Variants in AMBRA1 observed in about 807,000 individuals in gnomAD.
AMBRA1 encodes the protein autophagy and beclin 1 regulator 1.
A neutral mutation model predicts 125.4 loss-of-function variants in AMBRA1; 47 were observed. That is an observed-to-expected ratio of 0.37 (90% confidence interval 0.30 to 0.48). AMBRA1 has a LOEUF of 0.48. Ranked by LOEUF, AMBRA1 falls within the 20% of genes least tolerant of loss-of-function variation. The probability of loss-of-function intolerance (pLI) is 0.99; values close to 1 mark genes in which losing one functional copy is unlikely to be tolerated. For missense variants in AMBRA1, 1,331 were observed against 1,693.4 expected, an observed-to-expected ratio of 0.79 and a Z score of 3.76; for synonymous variants, 626 against 655.5, an observed-to-expected ratio of 0.95 and a Z score of 0.69.
At chr11:46,558,126 G>A (rs777072928) in intron 1 of AMBRA1, among the ~76,000 whole-genome samples, 1 of 152,210 alleles carries the variant, frequency 6.6e-6, no homozygotes, top group Non-Finnish European at 1.5e-5. Flanking sequence ...TTACACAGGG[G>A]AGAAGGACCA....
chr11:46,574,831 AAAACAATGTTTCACTTTTTC>A (rs1249786274), intron 1 of AMBRA1, among the ~76,000 whole-genome samples: 5 of 152,176 alleles, frequency 3.3e-5, no homozygotes, highest in African/African-American at 1.2e-4. Context: ...CCTTTGACAA[AAAACAATGTTTCACTTTTTC>A]AAACAATGTT....
In AMBRA1 at chr11:46,397,663, G is replaced by A. The variant is rs1945521097; in HGVS notation, c.3684C>T (p.Pro1228=). The stretch of plus-strand genomic sequence containing the variant: ...CAGGCTGGTCCCAGGAAGCTGTCCG[G>A]GGGCTTAGGCCTCGCTCTGCCAGTT... ...AGQLAERGLS[P]RTASWDQPGT... is the part of the protein sequence containing the mutation. The change falls in exon 18 of 18, where the codon CCC becomes CCT. Residue 1228 remains proline (P), a synonymous_variant. Coordinates refer to ENST00000683756, the MANE Select transcript of AMBRA1 (RefSeq NM_001387011.1). 1 of 1,613,070 alleles carries A rather than the reference G, an allele frequency of 6.2e-7. No individual in the cohort carries two copies. The highest frequency in any genetic ancestry group is 1.3e-5 in the African/African-American group (1 of 74,904).
At chr11:46,544,439 A>G (rs1952902233) in intron 5 of AMBRA1, among the ~76,000 whole-genome samples, 2 of 152,188 alleles carry the variant, frequency 1.3e-5, no homozygotes, top group Admixed American at 6.5e-5. Flanking sequence ...CTTGGTGGCA[A>G]TGAACAGTCC....
At chr11:46,461,188 A>C (rs1949075632) in intron 11 of AMBRA1, among the ~76,000 whole-genome samples, 1 of 152,222 alleles carries the variant, frequency 6.6e-6, no homozygotes, top group Non-Finnish European at 1.5e-5. Flanking sequence ...GGCTGCAGTG[A>C]GCTGTGATCC....
chr11:46,529,988 C>T lies in AMBRA1; in HGVS notation c.2072+11957G>A, dbSNP rs544020876. Among the ~76,000 whole-genome samples the T allele has an allele frequency of 1.7e-3, 264 of 152,302 alleles. 1 individual carries two copies. In the Middle Eastern group the frequency reaches 0.034, roughly 20 times the overall value. On this transcript the variant is annotated intron_variant, in intron 7 of 17. Coordinates refer to ENST00000683756, the MANE Select transcript of AMBRA1 (RefSeq NM_001387011.1). The stretch of plus-strand genomic sequence containing the variant: ...CCAGGAGGAGAGGATGCTACCTGCA[C>T]AGTTCTAATGGGCTGGGACCAATTA...
At chr11:46,571,454 T>C (rs151005756) in intron 1 of AMBRA1, among the ~76,000 whole-genome samples, 101 of 151,572 alleles carry the variant, frequency 6.7e-4, no homozygotes, top group African/African-American at 2.3e-3. Flanking sequence ...GCAGAAGGAG[T>C]GTTTGAGCCC....
chr11:46,451,743 G>A (rs191858972), intron 11 of AMBRA1: 10 of 153,342 alleles, frequency 6.5e-5, no homozygotes, highest in East Asian at 4.0e-4. Flanking sequence ...GAATGGGGTT[G>A]GGGATGTAAA....
At chr11:46,411,102 AAAAAAAAAAAAAG>A (rs1946271612) in intron 15 of AMBRA1, among the ~76,000 whole-genome samples, 1 of 150,324 alleles carries the variant, frequency 6.7e-6, no homozygotes, top group South Asian at 2.1e-4. Flanking sequence ...TCTGTCTCAA[AAAAAAAAAAAAAG>A]AAAAAAAAAA....
chr11:46,400,585 G>A (rs1383362194), intron 17 of AMBRA1, among the ~76,000 whole-genome samples: 1 of 140,752 alleles, frequency 7.1e-6, no homozygotes, highest in African/African-American at 2.6e-5. Flanking sequence ...TAGCCTCTTG[G>A]GTGCAAGTGA....
intron 7 of AMBRA1, among the ~76,000 whole-genome samples, chr11:46,517,146 CTTT>C (rs369058163): frequency 2.5e-5 from 3 of 122,024 alleles, no homozygotes; most frequent in African/African-American, 3.1e-5. Flanking sequence ...TACTCAAAAG[CTTT>C]TTTTTTTTTT....
chr11:46,456,773 G>A (rs967470655), intron 11 of AMBRA1, among the ~76,000 whole-genome samples: 1 of 152,190 alleles, frequency 6.6e-6, no homozygotes, highest in Non-Finnish European at 1.5e-5. Flanking sequence ...TGCAATGAAG[G>A]GAAATGGAAA....
intron 7 of AMBRA1, chr11:46,530,572 C>G (rs764971937): frequency 1.3e-5 from 2 of 152,222 alleles, no homozygotes; most frequent in African/African-American, 4.8e-5. Context: ...CCCACAAGAG[C>G]CAATACTTAC....
At chr11:46,558,595 A>G (rs557991429) in intron 1 of AMBRA1, among the ~76,000 whole-genome samples, 2 of 151,242 alleles carry the variant, frequency 1.3e-5, no homozygotes, top group East Asian at 3.9e-4. Flanking sequence ...CCTAGTATCT[A>G]CTAATATCTA....
intron 9 of AMBRA1, 146 bp downstream of exon 9, chr11:46,508,045 G>T: frequency 1.2e-6 from 1 of 866,546 alleles, no homozygotes. Context: ...TTAACCCTCT[G>T]TCCCTCACCC....
At position 46,409,005 on chromosome 11, in the gene AMBRA1, G is replaced by A. The variant is rs12362679; in HGVS notation, c.3210-299C>T. Among the ~76,000 whole-genome samples the A allele has an allele frequency of 2.8e-3, 433 of 152,390 alleles. 1 individual carries two copies. The highest frequency in any genetic ancestry group is 4.1e-3 in the Non-Finnish European group (276 of 68,048). On this transcript the variant is annotated intron_variant, in intron 16 of 17. Coordinates refer to ENST00000683756, the MANE Select transcript of AMBRA1 (RefSeq NM_001387011.1). ...CCCTGTCGGGGAGTGGGGAGGAGCTGTAGAGATGGCTGATCTGAAAAGACT... is the reference window on the plus strand; with the variant it reads ...CCCTGTCGGGGAGTGGGGAGGAGCTATAGAGATGGCTGATCTGAAAAGACT...
chr11:46,522,552 C>T (rs1591023728), intron 7 of AMBRA1, among the ~76,000 whole-genome samples: 1 of 152,112 alleles, frequency 6.6e-6, no homozygotes, highest in East Asian at 1.9e-4. Flanking sequence ...AGTTTTGATG[C>T]CACATGCACA....
chr11:46,512,904 T>C (rs1457705106), intron 7 of AMBRA1, 91 bp from the exon 8 acceptor site: 9 of 1,196,858 alleles, frequency 7.5e-6, no homozygotes, highest in Admixed American at 4.3e-5. Flanking sequence ...ATATATAACT[T>C]TCCCCTTTTG....
At chr11:46,423,735 C>G (rs550126313) in intron 14 of AMBRA1, among the ~76,000 whole-genome samples, 1 of 145,194 alleles carries the variant, frequency 6.9e-6, no homozygotes, top group African/African-American at 2.5e-5. Context: ...CAGAGCAGGA[C>G]TAACTCACAG....
chr11:46,468,662 A>G (rs1949435250), intron 11 of AMBRA1, among the ~76,000 whole-genome samples: 1 of 151,512 alleles, frequency 6.6e-6, no homozygotes. Flanking sequence ...CAAAAAAAAA[A>G]ATAGCCGGGT....
Sources: allele counts gnomAD v4.1 joint callset (sites outside exome capture counted in the v4.1 genomes callset), GRCh38; gene constraint gnomAD v4.1.1; transcripts MANE v1.5; gene names NCBI Gene and HGNC (gene_info 2026-07-23, HGNC 2026-07-21).